Variants in TRPA1 observed in about 807,000 individuals in gnomAD.
TRPA1 encodes transient receptor potential cation channel subfamily A member 1.
A neutral mutation model predicts 131.3 loss-of-function variants in TRPA1; 129 were observed. The observed-to-expected ratio is 0.98, with a 90% CI of 0.85 to 1.14. The LOEUF is 1.14. Ranked by LOEUF, TRPA1 falls within the 50% of genes most tolerant of loss-of-function variation. TRPA1 has a pLI of 0.00. For synonymous variants in TRPA1, 441 were observed against 451.7 expected (o/e 0.98, Z 0.30); for missense variants, 1,304 against 1,354.2 (o/e 0.96, Z 0.58).
chr8:72,040,844 CA>C (rs1165149889), intron 17 of TRPA1, among the ~76,000 whole-genome samples: 2 of 152,026 alleles, frequency 1.3e-5, no homozygotes, highest in Admixed American at 6.6e-5. Context: ...AAGCAATTAA[CA>C]AAATGGCAAT....
chr8:72,031,765 T>A (rs1811833510), intron 23 of TRPA1, among the ~76,000 whole-genome samples: 1 of 152,212 alleles, frequency 6.6e-6, no homozygotes, highest in Non-Finnish European at 1.5e-5. Flanking sequence ...GTCACTAACA[T>A]TTATCAAATG....
chr8:72,047,171 C>A lies in TRPA1; in HGVS notation c.1942G>T (p.Asp648Tyr), dbSNP rs1260312897. 3.7e-6 allele frequency: 6 copies of A among 1,610,884 alleles called. No homozygotes were observed. The highest frequency in any genetic ancestry group is 5.1e-6 in the Non-Finnish European group (6 of 1,177,982). Reference protein sequence around the residue: ...LDFCMLHSTEDKSCRDYYIEY... With the variant: ...LDFCMLHSTEYKSCRDYYIEY... ...ACATAATAGTCTCGGCAGGACTTGT[C>A]TTCTGTGGAATGCAACATGCAGAAA... The change falls in exon 16 of 27, where the codon GAC (aspartate) becomes TAC (tyrosine). Residue 648 changes from aspartate (D) to tyrosine (Y), a missense_variant. Physicochemically the swap from Asp to Tyr is radical, Grantham distance 160. Transcript: ENST00000262209.
chr8:72,061,866 A>T, intron 6 of TRPA1, 105 bp from the exon 7 acceptor site: 1 of 1,209,166 alleles, frequency 8.3e-7, no homozygotes, highest in Non-Finnish European at 1.2e-6. Flanking sequence ...AAATCAAGGA[A>T]TATCTATCAG....
chr8:72,053,751 A>G lies in TRPA1; in HGVS notation c.1644+2T>C, dbSNP rs200071838. On this transcript the variant is annotated splice_donor_variant, in intron 13 of 26. Coordinates refer to ENST00000262209, the MANE Select transcript of TRPA1 (RefSeq NM_007332.3). LOFTEE classifies it high-confidence loss of function. ...GGTAAGCATGAGGACCGCAGTACAT[A>G]CCCCGTCTTCATCCAGGCGATCTGT... 1 of 1,609,010 alleles carries G rather than the reference A, an allele frequency of 6.2e-7. No individual in the cohort carries two copies. Among genetic ancestry groups the G allele is most frequent in the East Asian group, 2.2e-5 (1 of 44,836 alleles).
At chr8:72,086,403 G>T in the TRPA1 span, among the ~76,000 whole-genome samples, 134,704 of 152,224 alleles carry the variant, frequency 0.88, 59,781 homozygotes, top group African/African-American at 0.94. Context: ...TTCAAATTAG[G>T]TTTTCCGCAT....
chr8:72,063,069 T>C, intron 5 of TRPA1, 125 bp from the exon 6 acceptor site: 1 of 953,540 alleles, frequency 1.0e-6, no homozygotes, highest in Non-Finnish European at 1.6e-6. Flanking sequence ...TAAAAGCTTG[T>C]GTTTAATTCT....
Position 72,034,361 on chromosome 8 carries a change from T to C in TRPA1, c.2572A>G (p.Ile858Val). 1 of 1,529,484 alleles carries C rather than the reference T, an allele frequency of 6.5e-7. No homozygotes were observed. 94.7% of individuals were successfully genotyped at this position (1,529,484 alleles called of 1,614,324 possible). The change falls in exon 22 of 27, where the codon ATT becomes GTT. Residue 858 changes from isoleucine (I) to valine (V), a missense_variant. By Grantham distance (29) the Ile-to-Val change is conservative. Transcript: ENST00000262209. ...ATTACCTCCAACATAACAATAAAAA[T>C]TCCACAATTTTCAAATCTAGAAAAG... ...LYLQRFENCG[I>V]FIVMLEVILK...
chr8:72,035,007 T>C (rs1178417211), intron 21 of TRPA1, among the ~76,000 whole-genome samples: 3 of 152,236 alleles, frequency 2.0e-5, no homozygotes, highest in Non-Finnish European at 4.4e-5. Flanking sequence ...AGACTGAGTT[T>C]GTGAACTGGA....
At chr8:72,031,185 C>A (rs1469732841) in intron 23 of TRPA1, among the ~76,000 whole-genome samples, 12 of 152,152 alleles carry the variant, frequency 7.9e-5, no homozygotes, top group Admixed American at 7.9e-4. Context: ...TGGATATAGT[C>A]AGGAAATAGG....
rs117464670 is a variant in TRPA1, at chr8:72,053,741, C to T, written c.1644+12G>A. On this transcript the variant is annotated intron_variant, in intron 13 of 26. Coordinates refer to ENST00000262209, the MANE Select transcript of TRPA1 (RefSeq NM_007332.3). ...TGAGATTTTGGGTAAGCATGAGGAC[C>T]GCAGTACATACCCCGTCTTCATCCA... is the stretch of plus-strand genomic sequence containing the variant. 1.4e-4 allele frequency: 227 copies of T among 1,595,054 alleles called. 1 individual carries two copies. In the East Asian group the frequency reaches 4.3e-3, roughly 30 times the overall value.
chr8:72,037,452 G>A (rs1812095762), intron 20 of TRPA1, among the ~76,000 whole-genome samples: 1 of 152,040 alleles, frequency 6.6e-6, no homozygotes, highest in African/African-American at 2.4e-5. Flanking sequence ...GTTCTGATCT[G>A]AACTTGGCTC....
At position 72,052,992 on chromosome 8, in the gene TRPA1, T is replaced by A. The variant is rs1186739071; in HGVS notation, c.1645-227A>T. The stretch of plus-strand genomic sequence containing the variant: ...GTGTGTGTGTGTGTGTGTGTGTGTG[T>A]GTGAGAGATAGAGAAAGAGAGAGAG... On this transcript the variant is annotated intron_variant, in intron 13 of 26. Coordinates refer to ENST00000262209, the MANE Select transcript of TRPA1 (RefSeq NM_007332.3). The A allele has an allele frequency of 2.9e-3, 1,073 of 375,586 alleles. 23 individuals carry two copies. Among genetic ancestry groups the A allele is most frequent in the African/African-American group, 0.023 (939 of 40,992 alleles). The allele number at this position is 375,586 out of a possible 1,614,324, so 23.3% of individuals were successfully genotyped here. A position where few individuals can be genotyped will look rare whatever the true frequency, so the allele number is the denominator to read the frequency against.
At chr8:72,056,008 T>A (rs915720810) in intron 10 of TRPA1, 153 bp from the exon 11 acceptor site, 8 of 701,898 alleles carry the variant, frequency 1.1e-5, no homozygotes, top group African/African-American at 3.6e-5. Flanking sequence ...TTGAGAGTAA[T>A]ATAAATATGA....
At chr8:72,056,574 T>G (rs1805672696) in intron 10 of TRPA1, among the ~76,000 whole-genome samples, 1 of 152,162 alleles carries the variant, frequency 6.6e-6, no homozygotes, top group Non-Finnish European at 1.5e-5. Flanking sequence ...TGATAATTCA[T>G]TCTTATATTT....
chr8:72,044,481 T>C (rs568750410), intron 17 of TRPA1, among the ~76,000 whole-genome samples: 88 of 152,112 alleles, frequency 5.8e-4, no homozygotes, highest in Non-Finnish European at 9.9e-4. Context: ...TTTAAACTAA[T>C]AACAAATACA....
At chr8:72,043,229 T>C (rs1382392699) in intron 17 of TRPA1, among the ~76,000 whole-genome samples, 1 of 151,790 alleles carries the variant, frequency 6.6e-6, no homozygotes, top group African/African-American at 2.4e-5. Context: ...TCCAAATCCT[T>C]TTCTATATTT....
the TRPA1 span, among the ~76,000 whole-genome samples, chr8:72,080,791 G>C: frequency 0.02 from 3,092 of 151,790 alleles, 49 homozygotes; most frequent in Middle Eastern, 0.037. Context: ...TGAGAAGTTT[G>C]TCCATTTAAT....
intron 17 of TRPA1, chr8:72,041,373 T>C (rs1303984954): frequency 1.3e-5 from 2 of 151,958 alleles, no homozygotes; most frequent in African/African-American, 4.8e-5. Context: ...CTAACAGACA[T>C]ACACAGAACA....
rs552781585 is a variant in TRPA1 at position 72,021,760 on chromosome 8, A to T, written c.*1146T>A. On this transcript the variant is annotated 3_prime_UTR_variant, in exon 27 of 27. Coordinates refer to ENST00000262209, the MANE Select transcript of TRPA1 (RefSeq NM_007332.3). ...AAAGGCCCCGTACTAGATGGAATAC[A>T]GTAACACAGTTGTATCTTGTAAACA... 6.6e-6 allele frequency: 1 copy of T among 152,312 alleles called. No homozygotes were observed. Among genetic ancestry groups the T allele is most frequent in the East Asian group, 1.9e-4 (1 of 5,190 alleles). 9.4% of individuals were successfully genotyped at this position (152,312 alleles called of 1,614,324 possible). A position where few individuals can be genotyped will look rare whatever the true frequency, so the allele number is the denominator to read the frequency against.
Sources: allele counts gnomAD v4.1 joint callset (sites outside exome capture counted in the v4.1 genomes callset), GRCh38; gene constraint gnomAD v4.1.1; transcripts MANE v1.5; gene names NCBI Gene and HGNC (gene_info 2026-07-23, HGNC 2026-07-21).